Variants in TRDMT1 observed in about 807,000 individuals in gnomAD.
TRDMT1 encodes tRNA (cytosine(38)-C(5))-methyltransferase.
Under a neutral mutation model 51.2 loss-of-function variants are expected in TRDMT1, and 49 were observed. The ratio of observed to expected loss-of-function variants is 0.96; its 90% CI spans 0.76 to 1.21. TRDMT1 has a LOEUF of 1.21. TRDMT1 is among the 50% of genes most tolerant of loss of function. The pLI, the probability that TRDMT1 is intolerant of heterozygous loss-of-function variation, is 0.00. For missense variants in TRDMT1, 534 were observed against 462.3 expected (o/e 1.16, Z -1.42); for synonymous variants, 187 against 164.6 (o/e 1.14, Z -1.04).
chr10:17,145,818 T>C lies in TRDMT1; in HGVS notation c.*3222A>G, dbSNP rs1838056128. ...CAGCTGGCCTGCAGAATGCATCCTT[T>C]AGTAGGTGCTTGATATTAGATGAAA... is the stretch of plus-strand genomic sequence containing the variant. On this transcript the variant is annotated 3_prime_UTR_variant, in exon 11 of 11. Coordinates refer to ENST00000377799, the MANE Select transcript of TRDMT1 (RefSeq NM_004412.7). The C allele has an allele frequency of 1.0e-6, 1 of 985,484 alleles. No homozygotes were observed. Among genetic ancestry groups the C allele is most frequent in the Non-Finnish European group, 1.2e-6 (1 of 829,938 alleles). The allele number at this position is 985,484 out of a possible 1,614,324, so 61.0% of individuals were successfully genotyped here. A position where few individuals can be genotyped will look rare whatever the true frequency, so the allele number is the denominator to read the frequency against.
intron 7 of TRDMT1, among the ~76,000 whole-genome samples, chr10:17,158,716 T>C (rs1034447004): frequency 1.3e-5 from 2 of 152,190 alleles, no homozygotes; most frequent in African/African-American, 4.8e-5. Context: ...CTAAATAGCA[T>C]TGGCTTTAAA....
At position 17,157,421 on chromosome 10, in the gene TRDMT1, A is replaced by AATAG; in HGVS notation, c.887+16_887+19dup. 1.9e-6 allele frequency: 3 copies of AATAG among 1,565,368 alleles called. No individual in the cohort carries two copies. Among genetic ancestry groups the AATAG allele is most frequent in the Non-Finnish European group, 2.6e-6 (3 of 1,152,538 alleles). ...ACCTGGTTATTTTGGATACAGGATC[A>AATAG]ATAGATCTTTAAAACCTACCCTTTG... On this transcript the variant is annotated intron_variant, in intron 8 of 10. Coordinates refer to ENST00000377799, the MANE Select transcript of TRDMT1 (RefSeq NM_004412.7).
At position 17,145,239 on chromosome 10, in the gene TRDMT1, T is replaced by C. The variant is rs1168427309; in HGVS notation, c.*3801A>G. The C allele has an allele frequency of 1.0e-5, 2 of 191,682 alleles. No individual in the cohort carries two copies. The highest frequency in any genetic ancestry group is 7.1e-5 in the African/African-American group (2 of 28,006). The allele number at this position is 191,682 out of a possible 1,614,324, so 11.9% of individuals were successfully genotyped here. ...TCCAGCCTAGGCAACAGAGCGAGAC[T>C]CAGTCTCAAAAACAAAACAAAACAA... On this transcript the variant is annotated 3_prime_UTR_variant, in exon 11 of 11. Coordinates refer to ENST00000377799, the MANE Select transcript of TRDMT1 (RefSeq NM_004412.7).
At chr10:17,196,206 G>A (rs971350777) in intron 1 of TRDMT1, among the ~76,000 whole-genome samples, 3 of 152,182 alleles carry the variant, frequency 2.0e-5, no homozygotes, top group African/African-American at 7.2e-5. Flanking sequence ...AAATATTAAG[G>A]CTGAGTAATT....
Position 17,138,703 on chromosome 10 carries a change from G to A in TRDMT1, c.*10337C>T, listed in dbSNP as rs537948667. Among the ~76,000 whole-genome samples, 1 of 151,970 alleles carries A rather than the reference G, an allele frequency of 6.6e-6. No individual in the cohort carries two copies. Among genetic ancestry groups the A allele is most frequent in the African/African-American group, 2.4e-5 (1 of 41,460 alleles). Reference sequence around the variant, plus strand: ...ATTTAAATTGCTGAGGTTTGGCAGAGCTTTTCCTGAGAAAGCAGATTGTTG... The same window carrying A: ...ATTTAAATTGCTGAGGTTTGGCAGAACTTTTCCTGAGAAAGCAGATTGTTG... On this transcript the variant is annotated 3_prime_UTR_variant, in exon 11 of 11. Coordinates refer to ENST00000377799, the MANE Select transcript of TRDMT1 (RefSeq NM_004412.7).
At chr10:17,156,457 A>T (rs1338219210) in intron 8 of TRDMT1, among the ~76,000 whole-genome samples, 1 of 151,176 alleles carries the variant, frequency 6.6e-6, no homozygotes, top group African/African-American at 2.4e-5. Context: ...CTAGTCTCAA[A>T]CTCCTGACCT....
intron 3 of TRDMT1, among the ~76,000 whole-genome samples, chr10:17,164,477 C>T (rs1840879510): frequency 6.6e-6 from 1 of 152,198 alleles, no homozygotes; most frequent in Admixed American, 6.5e-5. Context: ...GATGCCCTCT[C>T]TCATCACTTC....
chr10:17,187,920 T>C (rs1486611551), intron 1 of TRDMT1, among the ~76,000 whole-genome samples: 4 of 152,182 alleles, frequency 2.6e-5, no homozygotes, highest in Non-Finnish European at 5.9e-5. Flanking sequence ...ATATAAATGT[T>C]TAAGGATGTA....
chr10:17,174,528 T>C, intron 2 of TRDMT1, 23 bp downstream of exon 2: 1 of 1,521,410 alleles, frequency 6.6e-7, no homozygotes, highest in African/African-American at 1.4e-5. Flanking sequence ...TACATACTTA[T>C]TAAAACAATG....
intron 10 of TRDMT1, chr10:17,151,083 T>C: frequency 1.2e-6 from 1 of 861,030 alleles, no homozygotes; most frequent in South Asian, 5.3e-5. Flanking sequence ...GCATTGCAGT[T>C]TTTGCCACTG....
chr10:17,185,064 A>G (rs951274198), intron 1 of TRDMT1, among the ~76,000 whole-genome samples: 3 of 152,292 alleles, frequency 2.0e-5, no homozygotes, highest in African/African-American at 7.2e-5. Flanking sequence ...AGAGGATAAT[A>G]AAGTACCCGC....
intron 1 of TRDMT1, among the ~76,000 whole-genome samples, chr10:17,182,425 C>A (rs1407962892): frequency 6.6e-6 from 1 of 152,168 alleles, no homozygotes; most frequent in Non-Finnish European, 1.5e-5. Flanking sequence ...TTCTAAGTGG[C>A]AATCAGGTGA....
In TRDMT1 at chr10:17,139,965, G is replaced by A. The variant is rs936362304; in HGVS notation, c.*9075C>T. On this transcript the variant is annotated 3_prime_UTR_variant, in exon 11 of 11. Transcript: ENST00000377799. ...AACAATTCCTAGACTATGTTTAGAA[G>A]AGACATAAACAATACCCTAGGAGTT... Among the ~76,000 whole-genome samples, 2 of 144,550 alleles carry A rather than the reference G, an allele frequency of 1.4e-5. No homozygotes were observed. The highest frequency in any genetic ancestry group is 5.1e-5 in the African/African-American group (2 of 38,926). 94.8% of individuals were successfully genotyped at this position (144,550 alleles called of 152,430 possible).
At position 17,143,772 on chromosome 10, in the gene TRDMT1, C is replaced by CA. The variant is rs535141730; in HGVS notation, c.*5267dup. ...TTAACAGAAGCTGACCAATGGAATG[C>CA]AGAGTGAGAAGGAAGGTGAAGATGA... On this transcript the variant is annotated 3_prime_UTR_variant, in exon 11 of 11. Coordinates refer to ENST00000377799, the MANE Select transcript of TRDMT1 (RefSeq NM_004412.7). 3,619 of 985,364 alleles carry CA rather than the reference C, an allele frequency of 3.7e-3. 8 individuals are homozygous for CA. Among genetic ancestry groups the CA allele is most frequent in the Non-Finnish European group, 4.2e-3 (3,446 of 829,918 alleles). The allele number at this position is 985,364 out of a possible 1,614,324, so 61.0% of individuals were successfully genotyped here.
intron 3 of TRDMT1, among the ~76,000 whole-genome samples, chr10:17,162,873 G>C (rs1157364925): frequency 2.0e-5 from 3 of 152,076 alleles, no homozygotes; most frequent in Non-Finnish European, 4.4e-5. Context: ...AATCAAAAAA[G>C]AACAAGAAGT....
rs1837457306 is a variant in TRDMT1 at position 17,137,709 on chromosome 10, G to C, written c.*11331C>G. The stretch of plus-strand genomic sequence containing the variant: ...CCGGGCATGGTGGCACACACCTGTA[G>C]TCCCAGCTACTCAGGAGGCGAGGCT... On this transcript the variant is annotated 3_prime_UTR_variant, in exon 11 of 11. Transcript: ENST00000377799. The C allele has an allele frequency of 6.6e-6, 1 of 152,014 alleles. No individual in the cohort carries two copies. Among genetic ancestry groups the C allele is most frequent in the Non-Finnish European group, 1.5e-5 (1 of 68,120 alleles). 9.4% of individuals were successfully genotyped at this position (152,014 alleles called of 1,614,324 possible).
rs1045287058 is a variant in TRDMT1, at chr10:17,201,631, C to T, written c.4G>A (p.Glu2Lys). 1 of 1,543,882 alleles carries T rather than the reference C, an allele frequency of 6.5e-7. No homozygotes were observed. Among genetic ancestry groups the T allele is most frequent in the South Asian group, 1.2e-5 (1 of 83,652 alleles). The change falls in exon 1 of 11, where the codon GAG (glutamate) becomes AAG (lysine). Residue 2 changes from glutamate to lysine, a missense_variant. Glu to Lys is a moderately conservative substitution (Grantham distance 56). Transcript: ENST00000377799. M[E>K]PLRVLELYSG... ...TATAGCTCCAGCACCCGCAGGGGCT[C>T]CATCCCCGCGCCTCAGCCGCCGCAG...
At position 17,148,977 on chromosome 10, in the gene TRDMT1, T is replaced by C. The variant is rs1274311015; in HGVS notation, c.*63A>G. 1.4e-6 allele frequency: 2 copies of C among 1,472,052 alleles called. No homozygotes were observed. Among genetic ancestry groups the C allele is most frequent in the African/African-American group, 1.4e-5 (1 of 70,010 alleles). The allele number at this position is 1,472,052 out of a possible 1,614,324, so 91.2% of individuals were successfully genotyped here. A position where few individuals can be genotyped will look rare whatever the true frequency, so the allele number is the denominator to read the frequency against. On this transcript the variant is annotated 3_prime_UTR_variant, in exon 11 of 11. Coordinates refer to ENST00000377799, the MANE Select transcript of TRDMT1 (RefSeq NM_004412.7). ...CACCAGAATTAGTTCAAAACAGAATTTCAGAATTACTCTCTGAAAATGAAG... is the reference window on the plus strand; with the variant it reads ...CACCAGAATTAGTTCAAAACAGAATCTCAGAATTACTCTCTGAAAATGAAG...
In TRDMT1 at chr10:17,160,377, A is replaced by G. The variant is rs371505721; in HGVS notation, c.390-3T>C. 88 of 1,508,884 alleles carry G rather than the reference A, an allele frequency of 5.8e-5. No individual in the cohort carries two copies. The African/African-American group carries it at 1.1e-3, about 19-fold the overall frequency. 93.5% of individuals were successfully genotyped at this position (1,508,884 alleles called of 1,614,324 possible). The stretch of plus-strand genomic sequence containing the variant: ...CTATTGTTTGTATCAAGAGGTCTCT[A>G]AAAAGAAAAAAAAAAAACTTTAATT... On this transcript the variant is annotated splice_region_variant and splice_polypyrimidine_tract_variant and intron_variant, in intron 5 of 10. Transcript: ENST00000377799.
Sources: gnomAD v4.1 joint callset for allele counts (sites outside exome capture counted in the v4.1 genomes callset) on GRCh38, gnomAD v4.1.1 for gene constraint, MANE v1.5 for transcripts, NCBI Gene and HGNC (gene_info 2026-07-23, HGNC 2026-07-21) for gene names.